The following GLIPR1 variants were observed in gnomAD, a reference collection of about 807,000 sequenced individuals.
The protein encoded by GLIPR1 is GLI pathogenesis related 1, also known as glioma pathogenesis-related protein 1.
Under a neutral mutation model 30.3 loss-of-function variants are expected in GLIPR1, and 38 were observed. The observed-to-expected ratio is 1.26, with a 90% confidence interval of 0.97 to 1.65. The LOEUF (loss-of-function observed/expected upper bound fraction) is 1.65, where lower values mean the gene tolerates loss of function less well. Ranked by LOEUF, GLIPR1 falls within the 40% of genes most tolerant of loss-of-function variation. The pLI is 0.00. For synonymous variants in GLIPR1, 122 were observed against 110.6 expected (o/e 1.10, Z -0.65); for missense variants, 285 against 326.5 (o/e 0.87, Z 0.98).
At chr12:75,496,227 C>A (rs61933362) in intron 4 of GLIPR1, 2 of 151,772 alleles carry the variant, frequency 1.3e-5, no homozygotes, top group East Asian at 3.9e-4. Context: ...TGGTGGTGGA[C>A]GCCCGTAACC....
At chr12:75,490,779 C>A in intron 3 of GLIPR1, 1 of 260,206 alleles carries the variant, frequency 3.8e-6, no homozygotes. Context: ...TACATACGCA[C>A]ATATTTTTAA....
At chr12:75,489,395 T>C (rs1392210217) in intron 2 of GLIPR1, among the ~76,000 whole-genome samples, 6 of 152,220 alleles carry the variant, frequency 3.9e-5, no homozygotes, top group Non-Finnish European at 8.8e-5. Context: ...CTATTATATT[T>C]GCCTGTGTGA....
At chr12:75,488,747 G>C (rs1274794244) in intron 2 of GLIPR1, among the ~76,000 whole-genome samples, 2 of 152,150 alleles carry the variant, frequency 1.3e-5, no homozygotes, top group Admixed American at 1.3e-4. Flanking sequence ...CCCTCTGCTG[G>C]AAGACTCCAG....
rs964597470 is a variant in GLIPR1 at position 75,502,350 on chromosome 12, G to A, written c.*3372G>A. The stretch of plus-strand genomic sequence containing the variant: ...GGAGGGATAAGATTTAGAAATGACT[G>A]TAGGTTTCTGAGAAGACTGTAAAGA... On this transcript the variant is annotated 3_prime_UTR_variant, in exon 6 of 6. Transcript: ENST00000266659. 2.1e-4 allele frequency: 37 copies of A among 177,198 alleles called. No homozygotes were observed. The highest frequency in any genetic ancestry group is 1.5e-4 in the East Asian group (1 of 6,604). The allele number at this position is 177,198 out of a possible 1,614,324, so 11.0% of individuals were successfully genotyped here. A position where few individuals can be genotyped will look rare whatever the true frequency, so the allele number is the denominator to read the frequency against.
intron 4 of GLIPR1, chr12:75,496,158 C>G (rs1416066279): frequency 1.3e-5 from 2 of 152,002 alleles, no homozygotes; most frequent in African/African-American, 4.8e-5. Context: ...GCCACCATGC[C>G]CAGCCTGGCC....
intron 4 of GLIPR1, 163 bp from the exon 5 acceptor site, chr12:75,498,531 T>TTCAG (rs1156505076): frequency 1.7e-6 from 1 of 574,920 alleles, no homozygotes; most frequent in East Asian, 2.8e-5. Flanking sequence ...ACCAAGTTAA[T>TTCAG]TCAGTCAGTT....
chr12:75,501,727 CTTAGG>C lies in GLIPR1; in HGVS notation c.*2752_*2756del. 1 of 1,597,442 alleles carries C rather than the reference CTTAGG, an allele frequency of 6.3e-7. No individual in the cohort carries two copies. The highest frequency in any genetic ancestry group is 8.6e-7 in the Non-Finnish European group (1 of 1,166,654). Reference sequence around the variant, plus strand: ...TTACATCATAGAAAGCATTACCTTCCTTAGGTTTCACAATTGGTTTTTCCTTAGGT... The same window carrying C: ...TTACATCATAGAAAGCATTACCTTCCTTTCACAATTGGTTTTTCCTTAGGT... On this transcript the variant is annotated 3_prime_UTR_variant, in exon 6 of 6. Coordinates refer to ENST00000266659, the MANE Select transcript of GLIPR1 (RefSeq NM_006851.3).
At chr12:75,487,917 G>A (rs1392604181) in intron 2 of GLIPR1, 1 of 341,120 alleles carries the variant, frequency 2.9e-6, no homozygotes, top group South Asian at 2.2e-5. Flanking sequence ...CATTTTTATG[G>A]TTATTTCTTG....
chr12:75,490,725 A>G (rs1555239772), intron 3 of GLIPR1: 7 of 464,108 alleles, frequency 1.5e-5, no homozygotes, highest in East Asian at 3.9e-5. Flanking sequence ...GGAGAGAGAG[A>G]GGGTGTGTGT....
In GLIPR1 at chr12:75,499,011, A is replaced by G; in HGVS notation, c.*33A>G. Reference sequence around the variant, plus strand: ...CAGGAAAGAAAAAACCCAAAAACCAACCTCATTCACATATGGCTTTTTTTT... The same window carrying G: ...CAGGAAAGAAAAAACCCAAAAACCAGCCTCATTCACATATGGCTTTTTTTT... On this transcript the variant is annotated 3_prime_UTR_variant, in exon 6 of 6. Coordinates refer to ENST00000266659, the MANE Select transcript of GLIPR1 (RefSeq NM_006851.3). 6.8e-7 allele frequency: 1 copy of G among 1,460,240 alleles called. No individual in the cohort carries two copies. The highest frequency in any genetic ancestry group is 9.2e-7 in the Non-Finnish European group (1 of 1,090,904). 90.5% of individuals were successfully genotyped at this position (1,460,240 alleles called of 1,614,324 possible).
chr12:75,492,708 T>C (rs1280598929), intron 3 of GLIPR1: 2 of 152,222 alleles, frequency 1.3e-5, no homozygotes, highest in South Asian at 2.1e-4. Context: ...CCATAAAGAC[T>C]AACTTCAAAT....
intron 2 of GLIPR1, among the ~76,000 whole-genome samples, 175 bp from the exon 3 acceptor site, chr12:75,490,231 A>ACC (rs996156490): frequency 6.8e-6 from 1 of 147,474 alleles, no homozygotes; most frequent in African/African-American, 2.5e-5. Context: ...ACACACACAC[A>ACC]CACCCCAATA....
At chr12:75,487,490 G>A (rs140400193) in intron 2 of GLIPR1, among the ~76,000 whole-genome samples, 18 of 152,322 alleles carry the variant, frequency 1.2e-4, no homozygotes, top group African/African-American at 3.8e-4. Context: ...GGAGTTCCCC[G>A]CAGGGGGTTC....
chr12:75,488,284 T>C (rs2046302787), intron 2 of GLIPR1, among the ~76,000 whole-genome samples: 1 of 152,158 alleles, frequency 6.6e-6, no homozygotes, highest in African/African-American at 2.4e-5. Context: ...ACGCCTGTAA[T>C]CCCAGCACTT....
chr12:75,501,887 T>C lies in GLIPR1; in HGVS notation c.*2909T>C, dbSNP rs777623101. On this transcript the variant is annotated 3_prime_UTR_variant, in exon 6 of 6. Transcript: ENST00000266659. ...TAAATAATTCAAGTATCTATGAACT[T>C]TGCTATTCATGTGAGCCAGACATAA... The C allele has an allele frequency of 1.9e-6, 3 of 1,595,544 alleles. No homozygotes were observed. The highest frequency in any genetic ancestry group is 1.7e-4 in the Middle Eastern group (1 of 5,974).
rs374132123 is a variant in GLIPR1, at chr12:75,498,713, A to C, written c.639A>C (p.Gln213His). The change falls in exon 5 of 6, where the codon CAA (glutamine) becomes CAC (histidine). Residue 213 changes from glutamine (Q) to histidine (H), a missense_variant. By Grantham distance (24) the Gln-to-His change is conservative. Coordinates refer to ENST00000266659, the MANE Select transcript of GLIPR1 (RefSeq NM_006851.3). ...TTACAGTTAACCGACAGCGAGACCA[A>C]GTCAAACGTACGTACATCAATCTTA... Reference protein sequence around the residue: ...DNLCVNRQRDQVKRYYSVVYP... With the variant: ...DNLCVNRQRDHVKRYYSVVYP... The C allele has an allele frequency of 6.8e-6, 11 of 1,612,950 alleles. No homozygotes were observed. In the African/African-American group the frequency reaches 1.2e-4, roughly 18 times the overall value.
intron 2 of GLIPR1, chr12:75,485,003 G>C (rs1023628113): frequency 2.0e-5 from 3 of 152,766 alleles, no homozygotes; most frequent in African/African-American, 7.2e-5. Context: ...AATGGAAGAA[G>C]GATCTGATAG....
rs770186773 is a variant in GLIPR1, at chr12:75,501,699, C to CTT, written c.*2724_*2725dup. On this transcript the variant is annotated 3_prime_UTR_variant, in exon 6 of 6. Coordinates refer to ENST00000266659, the MANE Select transcript of GLIPR1 (RefSeq NM_006851.3). ...GTTTACTTTTCCTAATTAATAAAGA[C>CTT]TTTTACATCATAGAAAGCATTACCT... 6.8e-7 allele frequency: 1 copy of CTT among 1,477,530 alleles called. No homozygotes were observed. Among genetic ancestry groups the CTT allele is most frequent in the Non-Finnish European group, 9.4e-7 (1 of 1,065,300 alleles). The allele number at this position is 1,477,530 out of a possible 1,614,324, so 91.5% of individuals were successfully genotyped here. A position where few individuals can be genotyped will look rare whatever the true frequency, so the allele number is the denominator to read the frequency against.
rs1425638693 is a variant in GLIPR1, at chr12:75,498,959, A to G, written c.782A>G (p.Asn261Ser). Residue 261 changes from asparagine to serine, a missense_variant, in exon 6 of 6, where the codon AAT becomes AGT. Asn to Ser is a conservative substitution (Grantham distance 46). Transcript: ENST00000266659. Reference sequence around the variant, plus strand: ...ATTTTGGTACAGCACAAGTACCCTAATTTAGTTCTTTTGGACTAATACAAT... The same window carrying G: ...ATTTTGGTACAGCACAAGTACCCTAGTTTAGTTCTTTTGGACTAATACAAT... ...ITILVQHKYPNLVLLD is the reference protein window; with the variant it reads ...ITILVQHKYPSLVLLD The G allele has an allele frequency of 6.3e-7, 1 of 1,599,382 alleles. No homozygotes were observed. Among genetic ancestry groups the G allele is most frequent in the Admixed American group, 1.7e-5 (1 of 57,226 alleles).
Sources: gnomAD v4.1 joint callset for allele counts (sites outside exome capture counted in the v4.1 genomes callset) on GRCh38, gnomAD v4.1.1 for gene constraint, MANE v1.5 for transcripts, NCBI Gene and HGNC (gene_info 2026-07-23, HGNC 2026-07-21) for gene names.